Variants in WDR70 observed in about 807,000 individuals in gnomAD.
WDR70 encodes WD repeat-containing protein 70.
Under a neutral mutation model 88.6 loss-of-function variants are expected in WDR70, and 53 were observed. That is an observed-to-expected ratio of 0.60 (90% CI 0.48 to 0.75). WDR70 has a LOEUF of 0.75. WDR70 is among the 30% of genes least tolerant of loss of function. WDR70 has a pLI of 0.00. For missense variants in WDR70, 610 were observed against 823.2 expected, an observed-to-expected ratio of 0.74 and a Z score of 3.17; for synonymous variants, 280 against 270.0, an observed-to-expected ratio of 1.04 and a Z score of -0.36.
At chr5:37,513,533 G>T (rs1740786914) in intron 8 of WDR70, among the ~76,000 whole-genome samples, 2 of 152,134 alleles carry the variant, frequency 1.3e-5, no homozygotes, top group Non-Finnish European at 2.9e-5. Flanking sequence ...TGTATATTAG[G>T]GTTCCCTAGA....
chr5:37,444,942 A>G (rs1196631307), intron 7 of WDR70, among the ~76,000 whole-genome samples: 1 of 152,176 alleles, frequency 6.6e-6, no homozygotes, highest in East Asian at 1.9e-4. Flanking sequence ...ATCGAATGCT[A>G]TTGTTGATCT....
intron 10 of WDR70, among the ~76,000 whole-genome samples, chr5:37,692,209 A>G (rs1192267970): frequency 6.6e-6 from 1 of 152,206 alleles, no homozygotes; most frequent in African/African-American, 2.4e-5. Context: ...AGGCTCTGAA[A>G]TTGAGGCAAT....
intron 12 of WDR70, among the ~76,000 whole-genome samples, chr5:37,702,560 TC>T (rs910569465): frequency 6.6e-5 from 10 of 152,196 alleles, no homozygotes; most frequent in African/African-American, 2.4e-4. Context: ...TAGACATTAG[TC>T]AAATATATAT....
intron 15 of WDR70, 50 bp downstream of exon 15, chr5:37,722,984 G>A (rs760486516): frequency 3.7e-6 from 6 of 1,602,594 alleles, no homozygotes; most frequent in East Asian, 2.2e-5. Flanking sequence ...CTACTCTCAT[G>A]TGGTTTTGAT....
Position 37,533,684 on chromosome 5 carries a change from T to C in WDR70, c.917+17094T>C, listed in dbSNP as rs550881390. On this transcript the variant is annotated intron_variant, in intron 9 of 17. Coordinates refer to ENST00000265107, the MANE Select transcript of WDR70 (RefSeq NM_018034.4). ...CCTTGGGCATGGGGCTCGCTTTGGC[T>C]GCTGTGGGGGATGGGGGTGTGGTTC... is the stretch of plus-strand genomic sequence containing the variant. Among the ~76,000 whole-genome samples, 31 of 152,252 alleles carry C rather than the reference T, an allele frequency of 2.0e-4. No homozygotes were observed. In the South Asian group the frequency reaches 6.0e-3, roughly 30 times the overall value.
chr5:37,472,332 CATA>C (rs1189723730), intron 7 of WDR70, among the ~76,000 whole-genome samples: 2 of 151,796 alleles, frequency 1.3e-5, no homozygotes, highest in Non-Finnish European at 2.9e-5. Context: ...TTTTTATTGC[CATA>C]ATATTTTCCT....
chr5:37,549,208 T>C (rs1413721449), intron 9 of WDR70, among the ~76,000 whole-genome samples: 1 of 152,222 alleles, frequency 6.6e-6, no homozygotes, highest in Non-Finnish European at 1.5e-5. Context: ...TTGCATTGAA[T>C]CTGTAGATTG....
chr5:37,649,733 CT>C (rs70978834), intron 10 of WDR70, among the ~76,000 whole-genome samples: 13,768 of 68,128 alleles, frequency 0.2, 416 homozygotes, highest in East Asian at 0.39. Context: ...GTTATTACTT[CT>C]TTTTTTTTTT....
At chr5:37,455,270 A>T (rs576387076) in intron 7 of WDR70, among the ~76,000 whole-genome samples, 10 of 136,722 alleles carry the variant, frequency 7.3e-5, no homozygotes, top group African/African-American at 2.2e-4. Context: ...TTTGAGGTAG[A>T]GTCTAGCTCT....
At chr5:37,532,719 C>T (rs186435418) in intron 9 of WDR70, among the ~76,000 whole-genome samples, 73 of 152,128 alleles carry the variant, frequency 4.8e-4, no homozygotes, top group African/African-American at 1.6e-3. Flanking sequence ...CTGTTGACTC[C>T]GTGATTCGCT....
intron 9 of WDR70, among the ~76,000 whole-genome samples, chr5:37,587,342 C>CT (rs150764423): frequency 5.3e-5 from 8 of 151,782 alleles, no homozygotes; most frequent in Admixed American, 3.3e-4. Flanking sequence ...AAGCAAACTA[C>CT]TTTTTTTTCC....
At chr5:37,738,040 AAAAC>A (rs1171019366) in intron 17 of WDR70, among the ~76,000 whole-genome samples, 2 of 151,622 alleles carry the variant, frequency 1.3e-5, no homozygotes, top group Non-Finnish European at 2.9e-5. Flanking sequence ...AAAAAAAAAA[AAAAC>A]AAACAAAAAA....
At chr5:37,659,388 A>C (rs1561055385) in intron 10 of WDR70, among the ~76,000 whole-genome samples, 1 of 152,040 alleles carries the variant, frequency 6.6e-6, no homozygotes, top group Non-Finnish European at 1.5e-5. Context: ...TTCAGTTTCC[A>C]ATAGATTTTG....
At chr5:37,701,251 A>C in intron 12 of WDR70, 109 bp downstream of exon 12, 1 of 705,756 alleles carries the variant, frequency 1.4e-6, no homozygotes, top group Non-Finnish European at 2.3e-6. Flanking sequence ...TGGAAAAGAG[A>C]CTTGAGAGAG....
At chr5:37,520,141 T>C (rs1467164148) in intron 9 of WDR70, among the ~76,000 whole-genome samples, 3 of 152,180 alleles carry the variant, frequency 2.0e-5, no homozygotes, top group African/African-American at 7.2e-5. Context: ...TGGTATTATT[T>C]AGGTGAATCA....
At chr5:37,385,667 A>G (rs1371902889) in intron 3 of WDR70, among the ~76,000 whole-genome samples, 1 of 151,940 alleles carries the variant, frequency 6.6e-6, no homozygotes, top group Non-Finnish European at 1.5e-5. Flanking sequence ...GGGGTCCAGC[A>G]CTAAGTCACT....
rs541299140 is a variant in WDR70 at position 37,480,661 on chromosome 5, AT to A, written c.840+675del. On this transcript the variant is annotated intron_variant, in intron 8 of 17. Transcript: ENST00000265107. ...CTCCACCTGGCCCCGCCCTTGACAC[AT>A]GGGAATTGTTACAATTCAAGATGAG... Among the ~76,000 whole-genome samples the A allele has an allele frequency of 7.9e-5, 12 of 152,252 alleles. No homozygotes were observed. In the South Asian group the frequency reaches 2.3e-3, roughly 29 times the overall value.
chr5:37,656,161 CT>C (rs1745549669), intron 10 of WDR70, among the ~76,000 whole-genome samples: 1 of 152,048 alleles, frequency 6.6e-6, no homozygotes, highest in Non-Finnish European at 1.5e-5. Context: ...GATGCTCTTC[CT>C]GTCTGTTTGT....
chr5:37,467,511 G>T (rs1225961663), intron 7 of WDR70, among the ~76,000 whole-genome samples: 1 of 149,404 alleles, frequency 6.7e-6, no homozygotes, highest in East Asian at 2.0e-4. Flanking sequence ...CCTCACTTTG[G>T]GGGTTAGGGC....
Sources: gnomAD v4.1 joint callset for allele counts (sites outside exome capture counted in the v4.1 genomes callset) on GRCh38, gnomAD v4.1.1 for gene constraint, MANE v1.5 for transcripts, NCBI Gene and HGNC (gene_info 2026-07-23, HGNC 2026-07-21) for gene names.